GCC2: variants seen among roughly 807,000 people sequenced by gnomAD.
GCC2 encodes GRIP and coiled-coil domain-containing protein 2.
In GCC2, 120 loss-of-function variants were observed where a neutral mutation model predicts 210.6. The ratio of observed to expected loss-of-function variants is 0.57; its 90% CI spans 0.49 to 0.66. The LOEUF is 0.66. Among genes scored for constraint, GCC2 ranks in the 30% least tolerant of loss-of-function variants. The pLI is 0.00. For synonymous variants in GCC2, 703 were observed against 652.7 expected (o/e 1.08, Z -1.17); for missense variants, 1,868 against 1,871.9 (o/e 1.00, Z 0.04).
intron 4 of GCC2, among the ~76,000 whole-genome samples, chr2:108,461,836 C>CT (rs1200531303): frequency 0.032 from 3,817 of 121,074 alleles, 133 homozygotes; most frequent in African/African-American, 0.076. Flanking sequence ...TTTTCTTTTT[C>CT]TTTTTTTTTT....
intron 18 of GCC2, among the ~76,000 whole-genome samples, chr2:108,491,992 T>G (rs1682424516): frequency 1.3e-5 from 2 of 152,012 alleles, no homozygotes; most frequent in African/African-American, 4.8e-5. Flanking sequence ...GGTCTCTATT[T>G]TCAACAAGGT....
chr2:108,482,975 C>T (rs1329022664), intron 11 of GCC2, 87 bp from the exon 12 acceptor site: 22 of 724,640 alleles, frequency 3.0e-5, no homozygotes, highest in South Asian at 3.1e-5. Context: ...ACACCACGCC[C>T]GGCCGTCAGA....
chr2:108,471,229 A>G lies in GCC2; in HGVS notation c.1900A>G (p.Thr634Ala). ...ILELGKKVEQ[T>A]IQYNSELEQK... ...TGAACTTGGGAAGAAAGTAGAGCAA[A>G]CAATCCAGTACAACAGTGAACTAGA... Residue 634 changes from threonine to alanine, a missense_variant, in exon 6 of 23, where the codon ACA becomes GCA. By Grantham distance (58) the Thr-to-Ala change is moderately conservative. Transcript: ENST00000309863. 6.2e-7 allele frequency: 1 copy of G among 1,606,246 alleles called. No homozygotes were observed. The highest frequency in any genetic ancestry group is 2.2e-5 in the East Asian group (1 of 44,774).
intron 6 of GCC2, among the ~76,000 whole-genome samples, chr2:108,472,339 G>C (rs1681277278): frequency 6.6e-6 from 1 of 152,022 alleles, no homozygotes; most frequent in African/African-American, 2.4e-5. Flanking sequence ...TGAGTTTATA[G>C]AAGATTAAAT....
intron 16 of GCC2, among the ~76,000 whole-genome samples, chr2:108,487,354 C>T (rs185835766): frequency 6.6e-6 from 1 of 152,006 alleles, no homozygotes; most frequent in Admixed American, 6.6e-5. Context: ...TATTGAGAGG[C>T]CTTTAAAAAG....
At chr2:108,487,900 ATTTTT>A (rs1008834430) in intron 17 of GCC2, 80 bp downstream of exon 17, 674 of 646,532 alleles carry the variant, frequency 1.0e-3, no homozygotes, top group Middle Eastern at 2.5e-3. Flanking sequence ...TCCTATTATG[ATTTTT>A]TTTTTTTTTT....
chr2:108,469,521 A>T, intron 5 of GCC2, 130 bp from the exon 6 acceptor site: 1 of 622,636 alleles, frequency 1.6e-6, no homozygotes, highest in Non-Finnish European at 2.8e-6. Context: ...TATCAGTATC[A>T]TGTTTCTCCA....
In GCC2 at chr2:108,461,836, C is replaced by CTT. The variant is rs1200531303; in HGVS notation, c.217-7130_217-7129dup. Among the ~76,000 whole-genome samples, 378 of 121,144 alleles carry CTT rather than the reference C, an allele frequency of 3.1e-3. 3 individuals are homozygous for CTT. Among genetic ancestry groups the CTT allele is most frequent in the African/African-American group, 0.01 (331 of 31,742 alleles). 79.5% of individuals were successfully genotyped at this position (121,144 alleles called of 152,430 possible). ...AGGTTTTCTTTTTTTTTTTCTTTTT[C>CTT]TTTTTTTTTTTTTTTGAGACAGAGT... On this transcript the variant is annotated intron_variant, in intron 4 of 22. Transcript: ENST00000309863.
At chr2:108,486,331 A>G in intron 15 of GCC2, 180 bp from the exon 16 acceptor site, 1 of 636,242 alleles carries the variant, frequency 1.6e-6, no homozygotes, top group Non-Finnish European at 2.8e-6. Context: ...AAGAAAAGAT[A>G]ACTTAGAAAA....
chr2:108,482,650 C>T (rs1055005925), intron 11 of GCC2, among the ~76,000 whole-genome samples, 199 bp downstream of exon 11: 1 of 152,106 alleles, frequency 6.6e-6, no homozygotes, highest in Non-Finnish European at 1.5e-5. Flanking sequence ...TATTACCAAA[C>T]TTTTTGTATT....
At position 108,495,373 on chromosome 2, in the gene GCC2, A is replaced by C. The variant is rs1682600091; in HGVS notation, c.4530A>C (p.Val1510=). ...TDLPLLDMHT[V]TREEGEGMET... ...TCCCGCTTCTAGACATGCACACTGT[A>C]ACCCGGGAAGAGGGAGAAGGCATGG... Residue 1510 remains valine (V), a synonymous_variant, in exon 20 of 23, where the codon GTA becomes GTC. Transcript: ENST00000309863. 3 of 1,572,318 alleles carry C rather than the reference A, an allele frequency of 1.9e-6. No homozygotes were observed. Among genetic ancestry groups the C allele is most frequent in the African/African-American group, 2.7e-5 (2 of 74,422 alleles).
In GCC2 at chr2:108,451,130, C is replaced by T. The variant is rs1183861607; in HGVS notation, c.148+18C>T. Reference sequence around the variant, plus strand: ...GTGTACAGGTATTGGGTTGAAAATACTCATCTTGATCACAGTCTCTTTAAT... The same window carrying T: ...GTGTACAGGTATTGGGTTGAAAATATTCATCTTGATCACAGTCTCTTTAAT... On this transcript the variant is annotated intron_variant, in intron 3 of 22. Coordinates refer to ENST00000309863, the MANE Select transcript of GCC2 (RefSeq NM_181453.4). 2.1e-6 allele frequency: 3 copies of T among 1,413,672 alleles called. No individual in the cohort carries two copies. Among genetic ancestry groups the T allele is most frequent in the African/African-American group, 1.4e-5 (1 of 70,796 alleles). The allele number at this position is 1,413,672 out of a possible 1,614,324, so 87.6% of individuals were successfully genotyped here. A position where few individuals can be genotyped will look rare whatever the true frequency, so the allele number is the denominator to read the frequency against.
intron 2 of GCC2, 88 bp from the exon 3 acceptor site, chr2:108,450,938 GTT>G (rs1175447224): frequency 1.0e-5 from 8 of 798,484 alleles, no homozygotes; most frequent in Non-Finnish European, 1.7e-5. Flanking sequence ...TCTGTAGAAT[GTT>G]TTTGTTTTCT....
chr2:108,493,482 T>C (rs1042870071), intron 19 of GCC2: 14 of 987,374 alleles, frequency 1.4e-5, no homozygotes, highest in Middle Eastern at 5.2e-4. Context: ...AAACATTAGA[T>C]AGAGCAAGGA....
Position 108,474,027 on chromosome 2 carries a change from G to A in GCC2, c.2860+1128G>A, listed in dbSNP as rs185019907. Among the ~76,000 whole-genome samples the A allele has an allele frequency of 1.1e-3, 166 of 151,890 alleles. 2 individuals carry two copies. The highest frequency in any genetic ancestry group is 3.9e-3 in the African/African-American group (162 of 41,444). ...AAAAAAATTAGCCGGGCGTTGTGGC[G>A]GGCGCTTGTAGTCACAGCTACTCGG... On this transcript the variant is annotated intron_variant, in intron 7 of 22. Transcript: ENST00000309863.
At chr2:108,468,779 C>T (rs1421862673) in intron 4 of GCC2, among the ~76,000 whole-genome samples, 3 of 152,228 alleles carry the variant, frequency 2.0e-5, no homozygotes, top group African/African-American at 7.2e-5. Context: ...TCATCCTCCT[C>T]CGTAATTCAG....
At chr2:108,452,539 T>C in intron 4 of GCC2, 73 bp downstream of exon 4, 2 of 878,194 alleles carry the variant, frequency 2.3e-6, no homozygotes, top group South Asian at 2.8e-5. Flanking sequence ...CTAGAGGCTA[T>C]CTGGCTTTCT....
At chr2:108,502,653 G>GGT (rs1558763407) in intron 22 of GCC2, among the ~76,000 whole-genome samples, 3 of 152,042 alleles carry the variant, frequency 2.0e-5, no homozygotes, top group African/African-American at 2.4e-5. Context: ...TGTAAGGCCT[G>GGT]GCACGGTGGC....
intron 6 of GCC2, 106 bp downstream of exon 6, chr2:108,472,222 AT>A (rs139786573): frequency 4.0e-6 from 3 of 751,080 alleles, no homozygotes; most frequent in Non-Finnish European, 5.9e-6. Flanking sequence ...AATTTTTACC[AT>A]TTAAGCCCAA....
Sources: gnomAD v4.1 joint callset for allele counts (sites outside exome capture counted in the v4.1 genomes callset) on GRCh38, gnomAD v4.1.1 for gene constraint, MANE v1.5 for transcripts, NCBI Gene and HGNC (gene_info 2026-07-23, HGNC 2026-07-21) for gene names.